The following BTBD7 variants were observed in gnomAD, a reference collection of about 807,000 sequenced individuals.
The protein encoded by BTBD7 is BTB/POZ domain-containing protein 7.
Under a neutral mutation model 99.9 loss-of-function variants are expected in BTBD7, and 38 were observed. The ratio of observed to expected loss-of-function variants is 0.38; its 90% CI spans 0.29 to 0.50. The LOEUF is 0.50. Ranked by LOEUF, BTBD7 falls within the 20% of genes least tolerant of loss-of-function variation. BTBD7 has a pLI of 0.93. For synonymous variants in BTBD7, 520 were observed against 511.4 expected (o/e 1.02, Z -0.23); for missense variants, 1,170 against 1,394.6 (o/e 0.84, Z 2.57).
chr14:93,253,754 T>C lies in BTBD7; in HGVS notation c.1645A>G (p.Met549Val). The change falls in exon 7 of 11, where the codon ATG becomes GTG. Residue 549 changes from methionine (M) to valine (V), a missense_variant. Coordinates refer to ENST00000334746, the MANE Select transcript of BTBD7 (RefSeq NM_001002860.4). ...TTCCCACCTTCTGTTGTAGGAAGCA[T>C]ATCTGATGGAGGAGTACTAATCAAG... is the stretch of plus-strand genomic sequence containing the variant. ...RGLISTPPSD[M>V]LPTTEGGKSN... The C allele has an allele frequency of 6.2e-7, 1 of 1,611,866 alleles. No homozygotes were observed.
intron 1 of BTBD7, among the ~76,000 whole-genome samples, chr14:93,312,450 A>T (rs928026305): frequency 6.6e-6 from 1 of 152,202 alleles, no homozygotes; most frequent in Non-Finnish European, 1.5e-5. Flanking sequence ...TTTGCTTTCA[A>T]AGAGAAATAA....
In BTBD7 at chr14:93,296,177, A is replaced by C. The variant is rs2052924408; in HGVS notation, c.-106-20T>G. The C allele has an allele frequency of 7.8e-7, 1 of 1,280,928 alleles. No individual in the cohort carries two copies. Among genetic ancestry groups the C allele is most frequent in the Non-Finnish European group, 9.9e-7 (1 of 1,008,598 alleles). The allele number at this position is 1,280,928 out of a possible 1,614,324, so 79.3% of individuals were successfully genotyped here. On this transcript the variant is annotated intron_variant, in intron 1 of 10. Coordinates refer to ENST00000334746, the MANE Select transcript of BTBD7 (RefSeq NM_001002860.4). The stretch of plus-strand genomic sequence containing the variant: ...CCATTTCTTGATATGAAATAAAAAT[A>C]ATTTAATTCATTTTTTCAAGTGTAT...
At chr14:93,315,387 G>T (rs1386138381) in intron 1 of BTBD7, among the ~76,000 whole-genome samples, 1 of 152,184 alleles carries the variant, frequency 6.6e-6, no homozygotes, top group Non-Finnish European at 1.5e-5. Flanking sequence ...CAAATAACTG[G>T]AGGATGCTTT....
chr14:93,293,318 G>A lies in BTBD7; in HGVS notation c.1162+540C>T, dbSNP rs542832328. Among the ~76,000 whole-genome samples the A allele has an allele frequency of 4.6e-5, 7 of 152,268 alleles. No homozygotes were observed. In the South Asian group the frequency reaches 6.2e-4, roughly 14 times the overall value. ...GTCTAGCGCTAACTGTGTTTTACAC[G>A]CTGTAGGCTGTGGCTTGATGTACAA... On this transcript the variant is annotated intron_variant, in intron 3 of 10. Transcript: ENST00000334746.
chr14:93,313,888 C>T lies in BTBD7; in HGVS notation c.-106-17731G>A, dbSNP rs571862828. The stretch of plus-strand genomic sequence containing the variant: ...AGCTAGGACTATAGGTGTGTGCCAG[C>T]GTGCCCAGCTAATGAACAACAAAAT... On this transcript the variant is annotated intron_variant, in intron 1 of 10. Transcript: ENST00000334746. Among the ~76,000 whole-genome samples, 7 of 152,038 alleles carry T rather than the reference C, an allele frequency of 4.6e-5. No individual in the cohort carries two copies. The East Asian group carries it at 1.4e-3, about 29-fold the overall frequency.
At position 93,294,880 on chromosome 14, in the gene BTBD7, T is replaced by C; in HGVS notation, c.140A>G (p.Asp47Gly). The change falls in exon 3 of 11, where the codon GAC becomes GGC. Residue 47 changes from aspartate to glycine, a missense_variant. Physicochemically the swap from Asp to Gly is moderately conservative, Grantham distance 94. Coordinates refer to ENST00000334746, the MANE Select transcript of BTBD7 (RefSeq NM_001002860.4). Reference protein sequence around the residue: ...YGCESKLYSLDHGHEKPQDKK... With the variant: ...YGCESKLYSLGHGHEKPQDKK... ...GTCTTGTGGTTTCTCATGGCCATGGTCAAGGCTATACAACTTTGATTCGCA... is the reference window on the plus strand; with the variant it reads ...GTCTTGTGGTTTCTCATGGCCATGGCCAAGGCTATACAACTTTGATTCGCA... The C allele has an allele frequency of 6.2e-7, 1 of 1,612,876 alleles. No homozygotes were observed. The highest frequency in any genetic ancestry group is 1.1e-5 in the South Asian group (1 of 90,878).
intron 1 of BTBD7, among the ~76,000 whole-genome samples, chr14:93,329,963 G>A (rs1415752360): frequency 6.6e-6 from 1 of 152,110 alleles, no homozygotes; most frequent in Non-Finnish European, 1.5e-5. Flanking sequence ...AATTGTATGT[G>A]GATTTTACCA....
At chr14:93,272,440 C>A (rs577089062) in intron 3 of BTBD7, among the ~76,000 whole-genome samples, 6 of 152,294 alleles carry the variant, frequency 3.9e-5, no homozygotes, top group African/African-American at 1.2e-4. Context: ...CCTCCTTTGA[C>A]CTCAATATCT....
chr14:93,308,287 C>CAAAAA (rs869127588), intron 1 of BTBD7, among the ~76,000 whole-genome samples: 19 of 74,048 alleles, frequency 2.6e-4, no homozygotes, highest in Non-Finnish European at 3.3e-4. Context: ...ACTCGGTCTC[C>CAAAAA]AAAAAAAAAA....
chr14:93,317,301 G>A (rs764401452), intron 1 of BTBD7, among the ~76,000 whole-genome samples: 15 of 151,814 alleles, frequency 9.9e-5, no homozygotes, highest in Non-Finnish European at 1.8e-4. Context: ...CACTGCGCCC[G>A]GCCGGAATAT....
At chr14:93,266,335 C>T (rs889028817) in intron 3 of BTBD7, among the ~76,000 whole-genome samples, 6 of 152,010 alleles carry the variant, frequency 3.9e-5, no homozygotes, top group South Asian at 2.1e-4. Flanking sequence ...TAGATTAGCA[C>T]TGACCAAACT....
At chr14:93,306,440 TAA>T (rs10717168) in intron 1 of BTBD7, among the ~76,000 whole-genome samples, 25 of 126,832 alleles carry the variant, frequency 2.0e-4, no homozygotes, top group Admixed American at 3.2e-4. Flanking sequence ...CATCTCTCTT[TAA>T]AAAAAAAAAA....
chr14:93,279,268 C>A (rs2052690884), intron 3 of BTBD7, among the ~76,000 whole-genome samples: 1 of 152,130 alleles, frequency 6.6e-6, no homozygotes, highest in African/African-American at 2.4e-5. Context: ...CTTGCCATAC[C>A]TCTCTTTGCA....
rs112848587 is a variant in BTBD7 at position 93,290,353 on chromosome 14, C to T, written c.1162+3505G>A. Among the ~76,000 whole-genome samples, 1,310 of 151,288 alleles carry T rather than the reference C, an allele frequency of 8.7e-3. 10 individuals are homozygous for T. Among genetic ancestry groups the T allele is most frequent in the Non-Finnish European group, 0.011 (758 of 67,792 alleles). ...TCAGCCTCCTGAGCAGCTGGGACTA[C>T]AGGCACCTGCCACCATGCCCAGCTA... On this transcript the variant is annotated intron_variant, in intron 3 of 10. Coordinates refer to ENST00000334746, the MANE Select transcript of BTBD7 (RefSeq NM_001002860.4).
chr14:93,259,174 C>T (rs111652959), intron 5 of BTBD7, among the ~76,000 whole-genome samples: 191 of 152,278 alleles, frequency 1.3e-3, no homozygotes, highest in Middle Eastern at 6.8e-3. Flanking sequence ...TAAGACAGAA[C>T]CTTGTTTTAT....
intron 1 of BTBD7, among the ~76,000 whole-genome samples, chr14:93,320,139 C>T (rs1288263433): frequency 1.3e-5 from 2 of 152,038 alleles, no homozygotes; most frequent in African/African-American, 4.8e-5. Context: ...GAGGCAGTAG[C>T]AGAGAGGCAG....
intron 1 of BTBD7, among the ~76,000 whole-genome samples, chr14:93,323,293 A>T (rs1336181657): frequency 6.6e-6 from 1 of 152,242 alleles, no homozygotes; most frequent in Non-Finnish European, 1.5e-5. Context: ...TGTTTAATTT[A>T]TTTGACCAAA....
Position 93,245,902 on chromosome 14 carries a change from G to C in BTBD7, c.2506C>G (p.Gln836Glu). 6.2e-7 allele frequency: 1 copy of C among 1,614,072 alleles called. No individual in the cohort carries two copies. Among genetic ancestry groups the C allele is most frequent in the South Asian group, 1.1e-5 (1 of 91,076 alleles). ...GTGGCGGCAGCAGCAGCCACCGTCT[G>C]TCTGCCCAGTCCTGCAGTGCTGGTA... ...DCTSTAGLGRQTVAAAAATTT... is the reference protein window; with the variant it reads ...DCTSTAGLGRETVAAAAATTT... The change falls in exon 10 of 11, where the codon CAG (glutamine) becomes GAG (glutamate). Residue 836 changes from glutamine (Q) to glutamate (E), a missense_variant. Around this residue, in one of 4 missense-constraint regions of BTBD7, gnomAD observed 495 missense variants for 525.9 expected, o/e 0.94. Coordinates refer to ENST00000334746, the MANE Select transcript of BTBD7 (RefSeq NM_001002860.4).
At chr14:93,261,780 A>G in intron 4 of BTBD7, 103 bp from the exon 5 acceptor site, 1 of 792,630 alleles carries the variant, frequency 1.3e-6, no homozygotes, top group Non-Finnish European at 2.1e-6. Context: ...GCAACTTACC[A>G]TGTTTCACTC....
Sources: allele counts gnomAD v4.1 joint callset (sites outside exome capture counted in the v4.1 genomes callset), GRCh38; gene constraint gnomAD v4.1.1; regional missense constraint gnomAD v4.1.1; transcripts MANE v1.5; gene names NCBI Gene and HGNC (gene_info 2026-07-23, HGNC 2026-07-21).